Variants in COL8A1 observed in about 807,000 individuals in gnomAD.
COL8A1 encodes the protein collagen type VIII alpha 1 chain.
A neutral mutation model predicts 42.7 loss-of-function variants in COL8A1; 21 were observed. The observed-to-expected ratio is 0.49, with a 90% confidence interval of 0.35 to 0.71. COL8A1 has a LOEUF of 0.71. COL8A1 is among the 30% of genes least tolerant of loss of function. COL8A1 has a pLI of 0.01. For synonymous variants in COL8A1, 367 were observed against 369.1 expected (o/e 0.99, Z 0.06); for missense variants, 788 against 962.4 (o/e 0.82, Z 2.40).
At chr3:99,663,405 A>T (rs1488527195) in intron 1 of COL8A1, among the ~76,000 whole-genome samples, 5 of 152,052 alleles carry the variant, frequency 3.3e-5, no homozygotes, top group Non-Finnish European at 5.9e-5. Flanking sequence ...GCCTCTCAAA[A>T]TTGTCGTTTC....
At chr3:99,752,680 C>T (rs907532783) in intron 2 of COL8A1, among the ~76,000 whole-genome samples, 4 of 151,750 alleles carry the variant, frequency 2.6e-5, no homozygotes, top group South Asian at 4.2e-4. Context: ...TTCTCCCTCA[C>T]GCCCCCCACA....
At chr3:99,657,139 A>C (rs1487395280) in intron 1 of COL8A1, among the ~76,000 whole-genome samples, 1 of 152,318 alleles carries the variant, frequency 6.6e-6, no homozygotes, top group East Asian at 1.9e-4. Flanking sequence ...GGAGGAAAAG[A>C]TCTATATGCT....
At chr3:99,660,418 A>G (rs1455157335) in intron 1 of COL8A1, among the ~76,000 whole-genome samples, 1 of 152,222 alleles carries the variant, frequency 6.6e-6, no homozygotes, top group Non-Finnish European at 1.5e-5. Flanking sequence ...TTGCAGTGAC[A>G]TAACTCCCAC....
Position 99,649,038 on chromosome 3 carries a change from CT to C in COL8A1, c.-129+10378del, listed in dbSNP as rs563632178. On this transcript the variant is annotated intron_variant, in intron 1 of 3. Transcript: ENST00000652472. ...GCTCACATTCTGTTATGCTTTTTGG[CT>C]TTTGTTCTTGATCTTCCCTCTCTGC... Among the ~76,000 whole-genome samples, 85 of 152,026 alleles carry C rather than the reference CT, an allele frequency of 5.6e-4. 1 individual carries two copies. The highest frequency in any genetic ancestry group is 1.1e-3 in the Non-Finnish European group (75 of 68,010).
chr3:99,715,372 A>T (rs907263381), intron 1 of COL8A1, among the ~76,000 whole-genome samples: 25 of 152,114 alleles, frequency 1.6e-4, no homozygotes, highest in African/African-American at 6.0e-4. Flanking sequence ...GATAGAGCTG[A>T]CAGGTCTTAC....
chr3:99,687,219 C>G (rs902787214), intron 1 of COL8A1, among the ~76,000 whole-genome samples: 2 of 152,168 alleles, frequency 1.3e-5, no homozygotes, highest in East Asian at 3.9e-4. Context: ...GTTTCCAGGT[C>G]AAAGAATTAA....
intron 1 of COL8A1, among the ~76,000 whole-genome samples, chr3:99,676,224 C>G (rs553812776): frequency 6.6e-6 from 1 of 152,200 alleles, no homozygotes; most frequent in African/African-American, 2.4e-5. Context: ...ATCCAGGTAG[C>G]TTCGCCAGTG....
chr3:99,732,477 CA>C (rs1940542260), intron 1 of COL8A1, among the ~76,000 whole-genome samples: 2 of 152,008 alleles, frequency 1.3e-5, no homozygotes, highest in Admixed American at 1.3e-4. Flanking sequence ...GGAGAAGTGC[CA>C]AGCAAAAGGG....
chr3:99,770,586 A>C (rs1176722156), intron 2 of COL8A1, among the ~76,000 whole-genome samples: 2 of 152,226 alleles, frequency 1.3e-5, no homozygotes, highest in Non-Finnish European at 2.9e-5. Context: ...AGGTGACAAT[A>C]AAAGAGAGAA....
chr3:99,692,075 C>T (rs1939236538), intron 1 of COL8A1, among the ~76,000 whole-genome samples: 2 of 152,156 alleles, frequency 1.3e-5, no homozygotes, highest in South Asian at 4.1e-4. Flanking sequence ...AGCAAAGCCT[C>T]AATACTTGGG....
intron 1 of COL8A1, among the ~76,000 whole-genome samples, chr3:99,696,528 A>G (rs1283335698): frequency 3.9e-5 from 6 of 152,318 alleles, no homozygotes; most frequent in Middle Eastern, 6.8e-3. Context: ...GAGGGAAACC[A>G]AAGATGGAAG....
At chr3:99,657,118 A>G (rs1938047041) in intron 1 of COL8A1, among the ~76,000 whole-genome samples, 2 of 152,352 alleles carry the variant, frequency 1.3e-5, no homozygotes, top group South Asian at 4.1e-4. Flanking sequence ...AACTGACTTC[A>G]TCCTTTTATG....
intron 2 of COL8A1, among the ~76,000 whole-genome samples, chr3:99,746,073 G>A (rs1003551174): frequency 6.6e-6 from 1 of 151,996 alleles, no homozygotes; most frequent in African/African-American, 2.4e-5. Flanking sequence ...TTTGGGACAG[G>A]GTGGACACCT....
At chr3:99,666,262 TAGA>T (rs1938365804) in intron 1 of COL8A1, among the ~76,000 whole-genome samples, 1 of 152,202 alleles carries the variant, frequency 6.6e-6, no homozygotes, top group African/African-American at 2.4e-5. Context: ...AATCCATACT[TAGA>T]AGGAAATTAA....
intron 2 of COL8A1, among the ~76,000 whole-genome samples, chr3:99,775,954 T>C (rs1294468083): frequency 6.6e-6 from 1 of 152,242 alleles, no homozygotes; most frequent in Non-Finnish European, 1.5e-5. Flanking sequence ...TTTTCATTTA[T>C]TCCTTATTTT....
rs1942137627 is a variant in COL8A1 at position 99,798,303 on chromosome 3, G to C, written c.*2167G>C. ...CAAAAAGATGTCCTCCACAACCTTT[G>C]TTTTCAAAGCAGACAGCATCTATGT... On this transcript the variant is annotated 3_prime_UTR_variant, in exon 4 of 4. Transcript: ENST00000652472. 1 of 152,140 alleles carries C rather than the reference G, an allele frequency of 6.6e-6. No individual in the cohort carries two copies. The highest frequency in any genetic ancestry group is 1.5e-5 in the Non-Finnish European group (1 of 68,022). 9.4% of individuals were successfully genotyped at this position (152,140 alleles called of 1,614,324 possible).
At chr3:99,654,897 T>C (rs1032347539) in intron 1 of COL8A1, among the ~76,000 whole-genome samples, 2 of 152,164 alleles carry the variant, frequency 1.3e-5, no homozygotes, top group Non-Finnish European at 2.9e-5. Context: ...TTTTTAAGAC[T>C]TATCTTCTCA....
At chr3:99,724,504 T>C (rs1392742655) in intron 1 of COL8A1, among the ~76,000 whole-genome samples, 1 of 152,088 alleles carries the variant, frequency 6.6e-6, no homozygotes, top group Admixed American at 6.6e-5. Flanking sequence ...ACTATCAAGT[T>C]CACAGTAACT....
intron 1 of COL8A1, among the ~76,000 whole-genome samples, chr3:99,741,236 G>T (rs1940890260): frequency 6.6e-6 from 1 of 151,666 alleles, no homozygotes; most frequent in Non-Finnish European, 1.5e-5. Context: ...ATCTTCTTTT[G>T]TAAATTTAAT....
Sources: allele counts gnomAD v4.1 joint callset (sites outside exome capture counted in the v4.1 genomes callset), GRCh38; gene constraint gnomAD v4.1.1; transcripts MANE v1.5; gene names NCBI Gene and HGNC (gene_info 2026-07-23, HGNC 2026-07-21).